ARHGEF10L: variants seen among roughly 807,000 people sequenced by gnomAD.
The protein encoded by ARHGEF10L is rho guanine nucleotide exchange factor 10-like protein.
A neutral mutation model predicts 141.2 loss-of-function variants in ARHGEF10L; 69 were observed. That is an observed-to-expected ratio of 0.49 (90% confidence interval 0.40 to 0.60). The LOEUF is 0.60. Ranked by LOEUF, ARHGEF10L falls within the 20% of genes least tolerant of loss-of-function variation. ARHGEF10L has a pLI of 0.00. For synonymous variants in ARHGEF10L, 711 were observed against 718.5 expected (o/e 0.99, Z 0.17); for missense variants, 1,482 against 1,734.3 (o/e 0.85, Z 2.58).
chr1:17,581,003 T>C (rs2078497269), intron 2 of ARHGEF10L, among the ~76,000 whole-genome samples: 1 of 151,206 alleles, frequency 6.6e-6, no homozygotes, highest in Non-Finnish European at 1.5e-5. Flanking sequence ...CCGCATTTAG[T>C]GAAAAAAAGA....
In ARHGEF10L at chr1:17,602,230, C is replaced by T; in HGVS notation, c.349+12C>T. The T allele has an allele frequency of 6.4e-7, 1 of 1,557,550 alleles. No homozygotes were observed. The highest frequency in any genetic ancestry group is 8.7e-7 in the Non-Finnish European group (1 of 1,150,568). On this transcript the variant is annotated intron_variant, in intron 5 of 28. Transcript: ENST00000361221. ...GAGTTCCCGTCGCAGTAAGTCTCCCCTCCGGCCCACCGCCCACCCCAGGTA... is the reference window on the plus strand; with the variant it reads ...GAGTTCCCGTCGCAGTAAGTCTCCCTTCCGGCCCACCGCCCACCCCAGGTA...
rs1299693786 is a variant in ARHGEF10L, at chr1:17,644,663, A to G, written c.2273-3891A>G. On this transcript the variant is annotated intron_variant, in intron 21 of 28. Coordinates refer to ENST00000361221, the MANE Select transcript of ARHGEF10L (RefSeq NM_018125.4). The surrounding 1 kb of genome is among the most constrained non-coding windows in gnomAD (Gnocchi z 4.5). The stretch of plus-strand genomic sequence containing the variant: ...TCTTGAAGGTGGCTTTAAGTTTGGG[A>G]AGTTCGGGAAGAGCAGTAAAGGCAC... Among the ~76,000 whole-genome samples the G allele has an allele frequency of 6.6e-6, 1 of 151,866 alleles. No individual in the cohort carries two copies. Among genetic ancestry groups the G allele is most frequent in the Non-Finnish European group, 1.5e-5 (1 of 67,948 alleles).
At chr1:17,570,762 G>A (rs529054445) in intron 1 of ARHGEF10L, among the ~76,000 whole-genome samples, 18 of 152,224 alleles carry the variant, frequency 1.2e-4, no homozygotes, top group African/African-American at 4.3e-4. Flanking sequence ...TTGGGCCATG[G>A]TGGTACTGTG....
At chr1:17,634,287 T>A (rs956370293) in intron 16 of ARHGEF10L, 5 of 610,400 alleles carry the variant, frequency 8.2e-6, no homozygotes. Flanking sequence ...TTGGGCTGAG[T>A]CACTTCACTT....
At chr1:17,520,319 C>T in the ARHGEF10L span, among the ~76,000 whole-genome samples, 7 of 152,276 alleles carry the variant, frequency 4.6e-5, no homozygotes, top group South Asian at 2.1e-4. Context: ...GGGCCCAGCC[C>T]GGGGAGCCAG....
intron 11 of ARHGEF10L, 127 bp downstream of exon 11, chr1:17,622,068 C>A: frequency 2.3e-6 from 2 of 879,746 alleles, no homozygotes; most frequent in Non-Finnish European, 1.8e-6. Context: ...GCCAGCACTG[C>A]TTTATGGGGA....
chr1:17,646,671 G>A (rs937349212), intron 21 of ARHGEF10L, among the ~76,000 whole-genome samples: 1 of 152,154 alleles, frequency 6.6e-6, no homozygotes, highest in Admixed American at 6.5e-5. Context: ...CCTCCAATGG[G>A]CTGAGACGAC....
chr1:17,685,469 T>C (rs1318956276), intron 26 of ARHGEF10L, among the ~76,000 whole-genome samples: 1 of 152,182 alleles, frequency 6.6e-6, no homozygotes, highest in Non-Finnish European at 1.5e-5. Flanking sequence ...AGGGGCTGTT[T>C]CCTCCCCATT....
At chr1:17,686,587 G>A (rs2064618912) in intron 26 of ARHGEF10L, among the ~76,000 whole-genome samples, 1 of 152,160 alleles carries the variant, frequency 6.6e-6, no homozygotes, top group South Asian at 2.1e-4. Flanking sequence ...GTTGGAGGAG[G>A]ACAGTTCGGG....
intron 7 of ARHGEF10L, among the ~76,000 whole-genome samples, chr1:17,608,580 G>A (rs909465545): frequency 2.6e-5 from 4 of 152,244 alleles, no homozygotes; most frequent in African/African-American, 9.6e-5. Context: ...TTTCCTGGAG[G>A]GGAGCCCCTG....
Position 17,696,874 on chromosome 1 carries a change from C to A in ARHGEF10L, c.3334C>A (p.His1112Asn). The change falls in exon 29 of 29, where the codon CAC becomes AAC. Residue 1112 changes from histidine (H) to asparagine (N), a missense_variant. By Grantham distance (68) the His-to-Asn change is moderately conservative (BLOSUM62 1). Around this residue, in one of 3 missense-constraint regions of ARHGEF10L, gnomAD observed 858 missense variants for 966.3 expected, o/e 0.89. Transcript: ENST00000361221. Reference sequence around the variant, plus strand: ...GAAAGGCATGGTCTCACTCAACGGGCACTGTGGGCCTGTGGCCTTCCTGGC... The same window carrying A: ...GAAAGGCATGGTCTCACTCAACGGGAACTGTGGGCCTGTGGCCTTCCTGGC... The part of the protein sequence containing the change: ...TGKGMVSLNG[H>N]CGPVAFLAVA... The A allele has an allele frequency of 6.3e-7, 1 of 1,580,104 alleles. No homozygotes were observed. Among genetic ancestry groups the A allele is most frequent in the Non-Finnish European group, 8.6e-7 (1 of 1,162,114 alleles).
chr1:17,516,516 G>A, the ARHGEF10L span, among the ~76,000 whole-genome samples: 16 of 152,262 alleles, frequency 1.1e-4, no homozygotes, highest in Admixed American at 2.0e-4. Flanking sequence ...CACACTCCCC[G>A]TCCCTGTCCC....
chr1:17,684,993 C>T lies in ARHGEF10L; in HGVS notation c.3010-2580C>T, dbSNP rs959929773. 3.9e-5 allele frequency among the ~76,000 whole-genome samples: 6 copies of T among 152,128 alleles called. No homozygotes were observed. The East Asian group carries it at 5.8e-4, about 15-fold the overall frequency. ...CCCACACTCTGATCAGGAATGAGCC[C>T]GGAGCTCACTGGCTTAGCTCCGCAT... On this transcript the variant is annotated intron_variant, in intron 26 of 28. Coordinates refer to ENST00000361221, the MANE Select transcript of ARHGEF10L (RefSeq NM_018125.4).
chr1:17,659,904 C>T (rs532909093), intron 25 of ARHGEF10L, among the ~76,000 whole-genome samples: 6 of 152,310 alleles, frequency 3.9e-5, no homozygotes, highest in African/African-American at 9.6e-5. Flanking sequence ...GACCAGGCCA[C>T]GTGGAGGAAT....
chr1:17,613,535 G>A (rs1029342044), intron 8 of ARHGEF10L, among the ~76,000 whole-genome samples: 3 of 152,186 alleles, frequency 2.0e-5, no homozygotes, highest in African/African-American at 4.8e-5. Context: ...TGCCACTTAC[G>A]TAGGTCTGGG....
At chr1:17,518,304 C>G in the ARHGEF10L span, among the ~76,000 whole-genome samples, 3 of 152,178 alleles carry the variant, frequency 2.0e-5, no homozygotes. Flanking sequence ...TGTGTGCAGA[C>G]TGCTGATCCG....
At chr1:17,570,555 C>G (rs1207601438) in intron 1 of ARHGEF10L, among the ~76,000 whole-genome samples, 2 of 151,914 alleles carry the variant, frequency 1.3e-5, no homozygotes, top group East Asian at 3.9e-4. Flanking sequence ...TGTGGGGGCT[C>G]TGACACGTGG....
At position 17,607,670 on chromosome 1, in the gene ARHGEF10L, G is replaced by A. The variant is rs528001507; in HGVS notation, c.434-132G>A. ...GTTTCATGGTTGAGGAGGTAGAGCTGGAGCCCCAGGGCCCCCATGTTCTCC... is the reference window on the plus strand; with the variant it reads ...GTTTCATGGTTGAGGAGGTAGAGCTAGAGCCCCAGGGCCCCCATGTTCTCC... On this transcript the variant is annotated intron_variant, in intron 6 of 28. Coordinates refer to ENST00000361221, the MANE Select transcript of ARHGEF10L (RefSeq NM_018125.4). This position sits in a 1 kb window ranked among gnomAD's most constrained non-coding sequence, Gnocchi z 4.5. 2.3e-6 allele frequency: 2 copies of A among 867,976 alleles called. No individual in the cohort carries two copies. Among genetic ancestry groups the A allele is most frequent in the Non-Finnish European group, 3.3e-6 (2 of 614,008 alleles). The allele number at this position is 867,976 out of a possible 1,614,324, so 53.8% of individuals were successfully genotyped here.
chr1:17,671,954 G>T (rs58209334), intron 26 of ARHGEF10L, among the ~76,000 whole-genome samples: 5 of 152,168 alleles, frequency 3.3e-5, no homozygotes, highest in South Asian at 2.1e-4. Flanking sequence ...TTCCCCAAGT[G>T]GGGGGTGGGG....
Sources: allele counts gnomAD v4.1 joint callset (sites outside exome capture counted in the v4.1 genomes callset), GRCh38; gene constraint gnomAD v4.1.1; regional missense constraint gnomAD v4.1.1; non-coding constraint Gnocchi (gnomAD v3.1); transcripts MANE v1.5; gene names NCBI Gene and HGNC (gene_info 2026-07-23, HGNC 2026-07-21).